DLGAP1: variants seen among roughly 807,000 people sequenced by gnomAD.
DLGAP1 encodes disks large-associated protein 1.
DLGAP1 carries 11 observed loss-of-function variants against 90.8 expected under a neutral mutation model. The observed-to-expected ratio is 0.12, with a 90% confidence interval of 0.08 to 0.20. DLGAP1 has a LOEUF of 0.20. DLGAP1 is among the 10% of genes least tolerant of loss of function. The pLI is 1.00. For synonymous variants in DLGAP1, 558 were observed against 540.7 expected (o/e 1.03, Z -0.44); for missense variants, 1,050 against 1,333.8 (o/e 0.79, Z 3.31).
At chr18:4,131,064 AGT>A (rs984772676) in intron 2 of DLGAP1, among the ~76,000 whole-genome samples, 5 of 152,076 alleles carry the variant, frequency 3.3e-5, no homozygotes, top group African/African-American at 1.2e-4. Flanking sequence ...ACAGCATTAC[AGT>A]GTCTTTTTTT....
intron 3 of DLGAP1, among the ~76,000 whole-genome samples, chr18:3,976,530 T>G (rs1406213083): frequency 6.6e-6 from 1 of 152,204 alleles, no homozygotes; most frequent in African/African-American, 2.4e-5. Context: ...CCCTGCATAT[T>G]TTTATATAGT....
intron 7 of DLGAP1, among the ~76,000 whole-genome samples, chr18:3,632,855 G>A (rs1459907392): frequency 6.6e-6 from 1 of 152,128 alleles, no homozygotes; most frequent in Non-Finnish European, 1.5e-5. Context: ...AGGTTTGAAT[G>A]AGAGCTCATG....
intron 1 of DLGAP1, among the ~76,000 whole-genome samples, chr18:4,332,786 T>C (rs1399235588): frequency 6.6e-6 from 1 of 152,004 alleles, no homozygotes; most frequent in Non-Finnish European, 1.5e-5. Context: ...AGTGTGATTT[T>C]ACATTTAAGC....
chr18:4,033,435 A>C lies in DLGAP1; in HGVS notation c.-158-28234T>G, dbSNP rs1261867565. ...AGTTTTCTCCCATTGATAGACATTT[A>C]TGTGTTACCAAGGCTTGCTATTATG... On this transcript the variant is annotated intron_variant, in intron 2 of 12. Coordinates refer to ENST00000315677, the MANE Select transcript of DLGAP1 (RefSeq NM_004746.4). Among the ~76,000 whole-genome samples, 3 of 152,156 alleles carry C rather than the reference A, an allele frequency of 2.0e-5. No homozygotes were observed. In the East Asian group the frequency reaches 5.8e-4, roughly 29 times the overall value.
chr18:4,317,285 T>C (rs536256055), intron 1 of DLGAP1, among the ~76,000 whole-genome samples: 35 of 152,302 alleles, frequency 2.3e-4, no homozygotes, highest in African/African-American at 8.2e-4. Flanking sequence ...CACCGGCTTA[T>C]TTAATTCTTC....
chr18:4,222,338 C>T (rs1019881015), intron 1 of DLGAP1, among the ~76,000 whole-genome samples: 4 of 152,114 alleles, frequency 2.6e-5, no homozygotes, highest in African/African-American at 9.7e-5. Flanking sequence ...ATTTCCTTCT[C>T]TCATAAACTC....
At chr18:4,088,400 C>CT (rs1425043332) in intron 2 of DLGAP1, among the ~76,000 whole-genome samples, 1 of 151,204 alleles carries the variant, frequency 6.6e-6, no homozygotes, top group Non-Finnish European at 1.5e-5. Context: ...AGAAAGGAGT[C>CT]TTTTTATTTA....
chr18:3,879,527 C>T lies in DLGAP1; in HGVS notation c.542G>A (p.Arg181His), dbSNP rs752354203. ...DEAQAARYGKRSKSKERRAEP... is the reference protein window; with the variant it reads ...DEAQAARYGKHSKSKERRAEP... Reference sequence around the variant, plus strand: ...CGCGCGCCGCTCCTTGCTCTTGCTGCGTTTGCCATAGCGCGCCGCCTGCGC... The same window carrying T: ...CGCGCGCCGCTCCTTGCTCTTGCTGTGTTTGCCATAGCGCGCCGCCTGCGC... Residue 181 changes from arginine to histidine, a missense_variant, in exon 4 of 13, where the codon CGC becomes CAC. Transcript: ENST00000315677. This position sits in a 1 kb window ranked among gnomAD's most constrained non-coding sequence, Gnocchi z 6.6. The T allele has an allele frequency of 3.7e-6, 6 of 1,601,760 alleles. No homozygotes were observed. The Admixed American group carries it at 6.7e-5, about 18-fold the overall frequency.
chr18:3,849,441 A>G (rs2069210063), intron 4 of DLGAP1, among the ~76,000 whole-genome samples: 1 of 152,158 alleles, frequency 6.6e-6, no homozygotes, highest in South Asian at 2.1e-4. Context: ...GGAAATAAAC[A>G]CTTTGAGATC....
chr18:3,891,781 T>G (rs1599117035), intron 3 of DLGAP1, among the ~76,000 whole-genome samples: 1 of 152,250 alleles, frequency 6.6e-6, no homozygotes, highest in Non-Finnish European at 1.5e-5. Flanking sequence ...TTTTAAATTT[T>G]TTTTTAGAGA....
At chr18:3,763,993 T>C (rs1378357540) in intron 5 of DLGAP1, among the ~76,000 whole-genome samples, 1 of 152,188 alleles carries the variant, frequency 6.6e-6, no homozygotes, top group African/African-American at 2.4e-5. Flanking sequence ...TACATGCATA[T>C]ATCACCTATT....
At chr18:3,504,709 T>G (rs2050122500) in intron 11 of DLGAP1, among the ~76,000 whole-genome samples, 2 of 152,184 alleles carry the variant, frequency 1.3e-5, no homozygotes, top group Admixed American at 1.3e-4. Flanking sequence ...TATTTAACTC[T>G]GTATAATGGG....
chr18:3,629,696 A>AAAAT (rs1217682740), intron 7 of DLGAP1, among the ~76,000 whole-genome samples: 1 of 151,264 alleles, frequency 6.6e-6, no homozygotes, highest in Non-Finnish European at 1.5e-5. Context: ...TAAATAAATA[A>AAAAT]AAATAAATAA....
In DLGAP1 at chr18:3,879,457, C is replaced by T. The variant is rs746208952; in HGVS notation, c.612G>A (p.Ser204=). 5.0e-6 allele frequency: 8 copies of T among 1,606,720 alleles called. No homozygotes were observed. The highest frequency in any genetic ancestry group is 1.6e-4 in the Middle Eastern group (1 of 6,082). Residue 204 remains serine, a synonymous_variant, in exon 4 of 13, where the codon TCG becomes TCA. Coordinates refer to ENST00000315677, the MANE Select transcript of DLGAP1 (RefSeq NM_004746.4). This position sits in a 1 kb window ranked among gnomAD's most constrained non-coding sequence, Gnocchi z 6.6. ...ACATGTCACCATCCAGGTTGTCGTC[C>T]GAGCTCCACCAGCCCGGGGAGGTGC... ...RPSTSPGWWS[S]DDNLDGDMCI...
chr18:4,218,826 T>TACACACAC (rs58376566), intron 1 of DLGAP1, among the ~76,000 whole-genome samples: 62 of 145,828 alleles, frequency 4.3e-4, no homozygotes, highest in Admixed American at 1.3e-3. Flanking sequence ...TATACATACA[T>TACACACAC]ACACACACAC....
At chr18:3,756,562 C>T (rs918395245) in intron 5 of DLGAP1, among the ~76,000 whole-genome samples, 5 of 151,714 alleles carry the variant, frequency 3.3e-5, no homozygotes, top group African/African-American at 1.2e-4. Context: ...CCTTAATAGT[C>T]TTGAAAAAGA....
chr18:3,580,508 G>A (rs2055428239), intron 8 of DLGAP1: 1 of 1,600,096 alleles, frequency 6.2e-7, no homozygotes, highest in Admixed American at 1.7e-5. Context: ...GGAGGAGGAG[G>A]AGGAAGAGGA....
chr18:4,386,555 C>T (rs148173533), intron 1 of DLGAP1, among the ~76,000 whole-genome samples: 1 of 152,306 alleles, frequency 6.6e-6, no homozygotes, highest in Non-Finnish European at 1.5e-5. Context: ...TTTAAGTGAG[C>T]TGTAGTTGTA....
At chr18:3,597,234 A>G (rs2056632820) in intron 7 of DLGAP1, 1 of 515,224 alleles carries the variant, frequency 1.9e-6, no homozygotes, top group Non-Finnish European at 3.9e-6. Flanking sequence ...CATGAAAATT[A>G]GTAGCACCTG....
Sources: allele counts gnomAD v4.1 joint callset (sites outside exome capture counted in the v4.1 genomes callset), GRCh38; gene constraint gnomAD v4.1.1; non-coding constraint Gnocchi (gnomAD v3.1); transcripts MANE v1.5; gene names NCBI Gene and HGNC (gene_info 2026-07-23, HGNC 2026-07-21).